The following PRKAG2 variants were observed in gnomAD, a reference collection of about 807,000 sequenced individuals.
The protein encoded by PRKAG2 is protein kinase AMP-activated non-catalytic subunit gamma 2.
Under a neutral mutation model 69.6 loss-of-function variants are expected in PRKAG2, and 26 were observed. That is an observed-to-expected ratio of 0.37 (90% CI 0.27 to 0.52). The LOEUF (loss-of-function observed/expected upper bound fraction) is 0.52, where lower values mean the gene tolerates loss of function less well. Ranked by LOEUF, PRKAG2 falls within the 20% of genes least tolerant of loss-of-function variation. The pLI is 0.90. For missense variants in PRKAG2, 557 were observed against 740.0 expected (o/e 0.75, Z 2.87); for synonymous variants, 293 against 285.0 (o/e 1.03, Z -0.28).
chr7:151,706,930 T>G (rs145041651), intron 3 of PRKAG2, among the ~76,000 whole-genome samples: 23 of 152,310 alleles, frequency 1.5e-4, no homozygotes, highest in Non-Finnish European at 3.2e-4. Flanking sequence ...GCGTCTACCA[T>G]GAGGGAAGAG....
intron 3 of PRKAG2, among the ~76,000 whole-genome samples, chr7:151,697,730 G>A (rs1393282678): frequency 1.3e-5 from 2 of 152,090 alleles, no homozygotes; most frequent in Non-Finnish European, 2.9e-5. Flanking sequence ...GGGTGTGGAC[G>A]CAGGGAGGAG....
At chr7:151,600,994 T>C (rs1395055263) in intron 5 of PRKAG2, among the ~76,000 whole-genome samples, 1 of 152,178 alleles carries the variant, frequency 6.6e-6, no homozygotes, top group Non-Finnish European at 1.5e-5. Flanking sequence ...GGTGAAGTAG[T>C]GACCCAAGCG....
rs933895084 is a variant in PRKAG2, at chr7:151,733,126, G to A, written c.466+48026C>T. ...GTTTTTCCTCACTCAGTGTATCCAC[G>A]CCCAACACTGTCTGTGGGGCACAGG... On this transcript the variant is annotated intron_variant, in intron 3 of 15. Coordinates refer to ENST00000287878, the MANE Select transcript of PRKAG2 (RefSeq NM_016203.4). Among the ~76,000 whole-genome samples, 9 of 152,306 alleles carry A rather than the reference G, an allele frequency of 5.9e-5. No homozygotes were observed. In the East Asian group the frequency reaches 1.2e-3, roughly 20 times the overall value.
intron 3 of PRKAG2, among the ~76,000 whole-genome samples, chr7:151,755,440 C>T (rs2075021727): frequency 2.0e-5 from 3 of 151,948 alleles, no homozygotes; most frequent in African/African-American, 7.3e-5. Flanking sequence ...CAGAGCCAGC[C>T]CAGGGTGACC....
intron 1 of PRKAG2, 25 bp from the exon 2 acceptor site, chr7:151,786,566 T>A: frequency 1.2e-6 from 2 of 1,600,236 alleles, no homozygotes; most frequent in Non-Finnish European, 1.7e-6. Flanking sequence ...GAGCACGTGG[T>A]CAGTGACAGT....
intron 8 of PRKAG2, among the ~76,000 whole-genome samples, chr7:151,573,150 T>A (rs896288163): frequency 8.2e-5 from 12 of 146,934 alleles, no homozygotes; most frequent in African/African-American, 2.8e-4. Flanking sequence ...GAGAAAAAAA[T>A]GTATCTCAAG....
At chr7:151,631,929 G>T in intron 5 of PRKAG2, 140 bp downstream of exon 5, 2 of 901,314 alleles carry the variant, frequency 2.2e-6, no homozygotes, top group Non-Finnish European at 2.9e-6. Flanking sequence ...CCCGGTTCCC[G>T]CCCCGGCCCC....
intron 3 of PRKAG2, among the ~76,000 whole-genome samples, chr7:151,700,431 G>A (rs746087589): frequency 1.3e-5 from 2 of 152,158 alleles, no homozygotes; most frequent in Non-Finnish European, 2.9e-5. Context: ...TTCAGTGACC[G>A]ACAGACACGT....
intron 5 of PRKAG2, among the ~76,000 whole-genome samples, chr7:151,625,951 T>A (rs1178702750): frequency 2.0e-5 from 3 of 151,882 alleles, no homozygotes; most frequent in Non-Finnish European, 4.4e-5. Flanking sequence ...GGGATGTGAG[T>A]TATATCACAG....
intron 3 of PRKAG2, among the ~76,000 whole-genome samples, chr7:151,680,801 C>G (rs1029247140): frequency 1.3e-5 from 2 of 152,214 alleles, no homozygotes; most frequent in Non-Finnish European, 2.9e-5. Flanking sequence ...GGACCAGGAC[C>G]AGGACCTCTG....
intron 5 of PRKAG2, among the ~76,000 whole-genome samples, chr7:151,610,057 G>C (rs73730218): frequency 6.6e-6 from 1 of 152,088 alleles, no homozygotes; most frequent in African/African-American, 2.4e-5. Context: ...ACATACACAG[G>C]GACTGCTGCT....
chr7:151,622,388 G>C (rs529040676), intron 5 of PRKAG2, among the ~76,000 whole-genome samples: 35 of 152,196 alleles, frequency 2.3e-4, no homozygotes, highest in Non-Finnish European at 4.3e-4. Flanking sequence ...GCGTGCCATT[G>C]TTTTTACACT....
chr7:151,745,845 TC>T (rs1309159295), intron 3 of PRKAG2, among the ~76,000 whole-genome samples: 1 of 152,188 alleles, frequency 6.6e-6, no homozygotes, highest in Non-Finnish European at 1.5e-5. Flanking sequence ...GGGGCCCTTT[TC>T]AGTCCCTTCT....
intron 3 of PRKAG2, among the ~76,000 whole-genome samples, chr7:151,684,022 T>C (rs999424927): frequency 3.9e-5 from 6 of 152,166 alleles, no homozygotes; most frequent in Admixed American, 6.5e-5. Flanking sequence ...AGGTTTTACC[T>C]TCCACCCCTC....
chr7:151,796,706 T>C (rs896796346), intron 1 of PRKAG2, among the ~76,000 whole-genome samples: 2 of 151,994 alleles, frequency 1.3e-5, no homozygotes, highest in Non-Finnish European at 2.9e-5. Context: ...TCCATGAGCC[T>C]CTGTCCTTCC....
chr7:151,736,135 G>A, intron 3 of PRKAG2: 3 of 1,468,810 alleles, frequency 2.0e-6, no homozygotes, highest in Non-Finnish European at 2.7e-6. Context: ...GGCAGCCTGT[G>A]CTCAGGTGAC....
rs781269193 is a variant in PRKAG2, at chr7:151,781,472, C to G, written c.187-41G>C. 4 of 1,563,938 alleles carry G rather than the reference C, an allele frequency of 2.6e-6. No homozygotes were observed. Among genetic ancestry groups the G allele is most frequent in the East Asian group, 4.7e-5 (2 of 42,520 alleles). ...CGAATGGATGCAGTCACTCCACGCT[C>G]TGGACACGCTGCCTCCTGCCCTGTA... On this transcript the variant is annotated intron_variant, in intron 2 of 15. Transcript: ENST00000287878. This position sits in a 1 kb window ranked among gnomAD's most constrained non-coding sequence, Gnocchi z 6.1.
At chr7:151,855,276 A>ACACACACCACCCTC (rs1563757149) in intron 1 of PRKAG2, among the ~76,000 whole-genome samples, 1 of 90,686 alleles carries the variant, frequency 1.1e-5, no homozygotes, top group African/African-American at 3.8e-5. Flanking sequence ...ACCACCCTCC[A>ACACACACCACCCTC]CACACACCAC....
intron 3 of PRKAG2, among the ~76,000 whole-genome samples, chr7:151,694,522 C>T (rs1836261210): frequency 6.6e-6 from 1 of 152,154 alleles, no homozygotes; most frequent in Non-Finnish European, 1.5e-5. Flanking sequence ...ACTCTAGGGA[C>T]CTCATATGAG....
Sources: allele counts gnomAD v4.1 joint callset (sites outside exome capture counted in the v4.1 genomes callset), GRCh38; gene constraint gnomAD v4.1.1; non-coding constraint Gnocchi (gnomAD v3.1); transcripts MANE v1.5; gene names NCBI Gene and HGNC (gene_info 2026-07-23, HGNC 2026-07-21).